Variants in UNC13C observed in about 807,000 individuals in gnomAD.
UNC13C encodes unc-13 homolog C.
A neutral mutation model predicts 245.4 loss-of-function variants in UNC13C; 174 were observed. That is an observed-to-expected ratio of 0.71 (90% CI 0.63 to 0.80). The LOEUF (loss-of-function observed/expected upper bound fraction) is 0.80, where lower values mean the gene tolerates loss of function less well. Ranked by LOEUF, UNC13C falls within the 30% of genes least tolerant of loss-of-function variation. The pLI, the probability that UNC13C is intolerant of heterozygous loss-of-function variation, is 0.00. For missense variants in UNC13C, 2,829 were observed against 2,602.9 expected, an observed-to-expected ratio of 1.09 and a Z score of -1.89; for synonymous variants, 992 against 895.1, an observed-to-expected ratio of 1.11 and a Z score of -1.93.
Position 54,013,063 on chromosome 15 carries a change from A to G in UNC13C, c.160A>G (p.Lys54Glu). Residue 54 changes from lysine (K) to glutamate (E), a missense_variant, in exon 2 of 33, where the codon AAA becomes GAA. Transcript: ENST00000260323. ...CACTGCTGGCCAGACCAAATCCCCCAAATTTTCTTACACTTTTAAAAGCAC... is the reference window on the plus strand; with the variant it reads ...CACTGCTGGCCAGACCAAATCCCCCGAATTTTCTTACACTTTTAAAAGCAC... ...FPTAGQTKSP[K>E]FSYTFKSTVK... 1 of 1,613,908 alleles carries G rather than the reference A, an allele frequency of 6.2e-7. No individual in the cohort carries two copies. The highest frequency in any genetic ancestry group is 8.5e-7 in the Non-Finnish European group (1 of 1,179,848).
chr15:54,215,881 T>C (rs1293501248), intron 4 of UNC13C, among the ~76,000 whole-genome samples: 1 of 152,002 alleles, frequency 6.6e-6, no homozygotes, highest in Non-Finnish European at 1.5e-5. Context: ...ATTTTAATCA[T>C]GTCCGTTTCA....
chr15:54,050,956 TC>T, intron 2 of UNC13C: 1 of 529,218 alleles, frequency 1.9e-6, no homozygotes, highest in Non-Finnish European at 3.9e-6. Context: ...GCAATTGCTT[TC>T]ATATAGCTGG....
Position 54,604,676 on chromosome 15 carries a change from G to C in UNC13C, c.6107-17651G>C, listed in dbSNP as rs997255232. The stretch of plus-strand genomic sequence containing the variant: ...ATTCCTCTAAGACCTCTTTATTTCT[G>C]GTGGGATAATATTTCCACTTGAACA... On this transcript the variant is annotated intron_variant, in intron 30 of 32. Transcript: ENST00000260323. Among the ~76,000 whole-genome samples the C allele has an allele frequency of 2.0e-5, 3 of 152,140 alleles. No individual in the cohort carries two copies. In the South Asian group the frequency reaches 6.2e-4, roughly 32 times the overall value.
chr15:54,103,780 T>C (rs1303224489), intron 2 of UNC13C, among the ~76,000 whole-genome samples: 3 of 152,224 alleles, frequency 2.0e-5, no homozygotes, highest in Non-Finnish European at 4.4e-5. Flanking sequence ...AGTCTCACTC[T>C]GTAGCTCAGG....
chr15:54,159,906 C>T (rs2032905158), intron 4 of UNC13C, among the ~76,000 whole-genome samples: 1 of 152,162 alleles, frequency 6.6e-6, no homozygotes, highest in African/African-American at 2.4e-5. Flanking sequence ...GTAATACATA[C>T]CTTCCTCTTC....
At chr15:54,403,238 T>G (rs1201044284) in intron 18 of UNC13C, among the ~76,000 whole-genome samples, 1 of 152,176 alleles carries the variant, frequency 6.6e-6, no homozygotes, top group African/African-American at 2.4e-5. Flanking sequence ...CATTGTCTTA[T>G]GCAATGCTGA....
chr15:53,998,457 A>G (rs181046068), intron 1 of UNC13C, among the ~76,000 whole-genome samples: 1 of 152,120 alleles, frequency 6.6e-6, no homozygotes, highest in Non-Finnish European at 1.5e-5. Flanking sequence ...TAATTTATCT[A>G]TACTGAGCTT....
chr15:54,530,480 C>G (rs1434287800), intron 25 of UNC13C, among the ~76,000 whole-genome samples: 1 of 152,190 alleles, frequency 6.6e-6, no homozygotes, highest in Non-Finnish European at 1.5e-5. Context: ...TTCCTGCTCT[C>G]ATGGGGCTTA....
chr15:54,140,493 T>C (rs190416622), intron 2 of UNC13C, among the ~76,000 whole-genome samples: 123 of 152,278 alleles, frequency 8.1e-4, no homozygotes, highest in Non-Finnish European at 1.2e-3. Flanking sequence ...AGGATGAAGA[T>C]TAGCAAAGAG....
the UNC13C span, among the ~76,000 whole-genome samples, chr15:53,916,936 T>C: frequency 1.4e-4 from 21 of 152,306 alleles, no homozygotes; most frequent in Admixed American, 5.2e-4. Context: ...TTACAGATTA[T>C]ACTCTGGGAA....
chr15:54,349,571 C>G (rs2038934560), intron 17 of UNC13C, among the ~76,000 whole-genome samples: 1 of 152,012 alleles, frequency 6.6e-6, no homozygotes, highest in South Asian at 2.1e-4. Context: ...AAGAACATGA[C>G]TTGGTCAAGT....
chr15:54,245,571 G>C (rs1191145047), intron 7 of UNC13C, among the ~76,000 whole-genome samples: 1 of 152,050 alleles, frequency 6.6e-6, no homozygotes, highest in Non-Finnish European at 1.5e-5. Flanking sequence ...ACTTAGATGA[G>C]CAAATCAGCA....
chr15:54,552,463 TATTACAATATATAATATA>T (rs1211149332), intron 28 of UNC13C, among the ~76,000 whole-genome samples: 5 of 57,592 alleles, frequency 8.7e-5, no homozygotes, highest in South Asian at 7.1e-4. Flanking sequence ...TATAATTATA[TATTACAATATATAATATA>T]ATTATATATT....
intron 2 of UNC13C, among the ~76,000 whole-genome samples, chr15:54,109,277 TCCCCTC>T (rs1900631193): frequency 1.2e-4 from 5 of 43,284 alleles, no homozygotes; most frequent in African/African-American, 1.8e-4. Flanking sequence ...TCTCCTCCCC[TCCCCTC>T]CCCTCCCCTC....
At chr15:54,208,857 T>G (rs2034793343) in intron 4 of UNC13C, among the ~76,000 whole-genome samples, 1 of 152,188 alleles carries the variant, frequency 6.6e-6, no homozygotes. Flanking sequence ...TATATTATTT[T>G]GCCCCCAATA....
chr15:54,103,597 T>A (rs1026418325), intron 2 of UNC13C, among the ~76,000 whole-genome samples: 6 of 152,228 alleles, frequency 3.9e-5, no homozygotes, highest in African/African-American at 1.4e-4. Flanking sequence ...GACTATCTTG[T>A]TTCCCTATCA....
chr15:54,552,038 C>T (rs1032489268), intron 28 of UNC13C, among the ~76,000 whole-genome samples: 26 of 150,800 alleles, frequency 1.7e-4, no homozygotes, highest in South Asian at 2.1e-4. Context: ...TAGAAAATTT[C>T]AGAACTCCTA....
chr15:54,143,533 G>A, intron 3 of UNC13C, 87 bp from the exon 4 acceptor site: 1 of 1,034,388 alleles, frequency 9.7e-7, no homozygotes, highest in Non-Finnish European at 1.5e-6. Context: ...GTGTAGTGCA[G>A]CTGACCTGTG....
chr15:54,017,604 A>G (rs1895718936), intron 2 of UNC13C, among the ~76,000 whole-genome samples: 1 of 152,144 alleles, frequency 6.6e-6, no homozygotes, highest in South Asian at 2.1e-4. Context: ...AATATCATAA[A>G]TAGGACAAGA....
Sources: gnomAD v4.1 joint callset for allele counts (sites outside exome capture counted in the v4.1 genomes callset) on GRCh38, gnomAD v4.1.1 for gene constraint, MANE v1.5 for transcripts, NCBI Gene and HGNC (gene_info 2026-07-23, HGNC 2026-07-21) for gene names.